NHSL1: variants seen among roughly 807,000 people sequenced by gnomAD.
The protein encoded by NHSL1 is NHS like 1.
Under a neutral mutation model 95.0 loss-of-function variants are expected in NHSL1, and 48 were observed. The ratio of observed to expected loss-of-function variants is 0.51; its 90% CI spans 0.40 to 0.64. The LOEUF (loss-of-function observed/expected upper bound fraction) is 0.64. Ranked by LOEUF, NHSL1 falls within the 30% of genes least tolerant of loss-of-function variation. The pLI, the probability that NHSL1 is intolerant of heterozygous loss-of-function variation, is 0.00. For missense variants in NHSL1, 1,971 were observed against 2,077.7 expected (o/e 0.95, Z 1.00); for synonymous variants, 783 against 833.9 (o/e 0.94, Z 1.05).
intron 1 of NHSL1, among the ~76,000 whole-genome samples, chr6:138,689,487 G>A (rs893490515): frequency 6.6e-5 from 10 of 152,220 alleles, no homozygotes; most frequent in Non-Finnish European, 1.3e-4. Flanking sequence ...ATTGAGGCCA[G>A]CAGGGCCAGC....
intron 1 of NHSL1, among the ~76,000 whole-genome samples, chr6:138,609,124 G>A (rs1453749298): frequency 1.3e-5 from 2 of 152,222 alleles, no homozygotes; most frequent in Non-Finnish European, 2.9e-5. Flanking sequence ...GTGCTGGAGA[G>A]TTCCCAATAA....
chr6:138,438,063 G>T (rs1162720473), intron 5 of NHSL1, among the ~76,000 whole-genome samples: 3 of 152,184 alleles, frequency 2.0e-5, no homozygotes, highest in African/African-American at 7.2e-5. Flanking sequence ...TTGAGAGATT[G>T]ACTCAAATTT....
At position 138,636,846 on chromosome 6, in the gene NHSL1, G is replaced by A. The variant is rs544644776; in HGVS notation, c.96+55630C>T. On this transcript the variant is annotated intron_variant, in intron 1 of 3. Coordinates refer to the NHSL1 transcript ENST00000491526. ...AAATGTTCACACTATCCAAAGCAAT[G>A]TACAGATTCAATGCAATCCCTATCA... Among the ~76,000 whole-genome samples the A allele has an allele frequency of 2.0e-5, 3 of 152,234 alleles. No homozygotes were observed. In the East Asian group the frequency reaches 5.8e-4, roughly 29 times the overall value.
intron 1 of NHSL1, among the ~76,000 whole-genome samples, chr6:138,558,878 CA>C (rs1193252658): frequency 6.6e-6 from 1 of 151,760 alleles, no homozygotes; most frequent in African/African-American, 2.4e-5. Context: ...CCCTTCTCTA[CA>C]AAAAAACAAA....
At chr6:138,674,044 A>G (rs1345322115) in intron 1 of NHSL1, among the ~76,000 whole-genome samples, 1 of 152,264 alleles carries the variant, frequency 6.6e-6, no homozygotes, top group African/African-American at 2.4e-5. Flanking sequence ...GATTACAGAT[A>G]CAAAGCTATA....
chr6:138,462,168 AC>A (rs1357174803), intron 3 of NHSL1, among the ~76,000 whole-genome samples: 6 of 152,292 alleles, frequency 3.9e-5, no homozygotes, highest in African/African-American at 1.2e-4. Context: ...AATATCTGAG[AC>A]TAGGTAGTTT....
chr6:138,654,183 C>T (rs1182446241), intron 1 of NHSL1, among the ~76,000 whole-genome samples: 1 of 152,146 alleles, frequency 6.6e-6, no homozygotes, highest in Admixed American at 6.5e-5. Flanking sequence ...AGTCATTTAT[C>T]ATTAAACTGA....
chr6:138,667,504 A>G (rs1191304598), intron 1 of NHSL1, among the ~76,000 whole-genome samples: 1 of 152,234 alleles, frequency 6.6e-6, no homozygotes, highest in Admixed American at 6.5e-5. Context: ...ATCACTCAGC[A>G]TTACATAATT....
rs1252410422 is a variant in NHSL1, at chr6:138,432,532, C to T, written c.1813G>A (p.Asp605Asn). The T allele has an allele frequency of 1.9e-5, 29 of 1,552,060 alleles. No individual in the cohort carries two copies. The highest frequency in any genetic ancestry group is 2.4e-5 in the Non-Finnish European group (27 of 1,147,094). The change falls in exon 6 of 8, where the codon GAT (aspartate) becomes AAT (asparagine). Residue 605 changes from aspartate to asparagine, a missense_variant. By Grantham distance (23) the Asp-to-Asn change is conservative. Around this residue, in one of 3 missense-constraint regions of NHSL1, gnomAD observed 1,602 missense variants for 1,654.5 expected, o/e 0.97. Transcript: ENST00000343505. This position sits in a 1 kb window ranked among gnomAD's most constrained non-coding sequence, Gnocchi z 4.4. ...DAGSLYSEDH[D>N]GYCASVHTDS... ...GTGTGCACAGATGCACAGTAGCCAT[C>T]GTGGTCCTCAGAATACAGCGACCCA...
At chr6:138,464,209 G>A in intron 3 of NHSL1, 1 of 755,232 alleles carries the variant, frequency 1.3e-6, no homozygotes. Context: ...CAGAGGCTGA[G>A]AGGCTGCTGG....
At chr6:138,444,027 AT>A (rs1014080530) in intron 4 of NHSL1, among the ~76,000 whole-genome samples, 1 of 152,146 alleles carries the variant, frequency 6.6e-6, no homozygotes, top group African/African-American at 2.4e-5. Context: ...TGGATTATAC[AT>A]TTTTTGAGGG....
chr6:138,618,476 C>T (rs1354924254), intron 1 of NHSL1, among the ~76,000 whole-genome samples: 1 of 152,208 alleles, frequency 6.6e-6, no homozygotes, highest in Non-Finnish European at 1.5e-5. Flanking sequence ...AACAAATATA[C>T]TAAGCTGAGA....
chr6:138,529,994 A>T (rs1782069515), intron 1 of NHSL1, among the ~76,000 whole-genome samples: 1 of 152,162 alleles, frequency 6.6e-6, no homozygotes, highest in Admixed American at 6.5e-5. Flanking sequence ...CATTATTTGA[A>T]TTCTTTAATT....
rs1554255989 is a variant in NHSL1, at chr6:138,606,705, T to TTC, written c.96+85770_96+85771insGA. 2.5e-4 allele frequency among the ~76,000 whole-genome samples: 37 copies of TTC among 146,858 alleles called. 1 individual carries two copies. The East Asian group carries it at 7.3e-3, about 29-fold the overall frequency. On this transcript the variant is annotated intron_variant, in intron 1 of 3. Coordinates refer to the NHSL1 transcript ENST00000491526. ...ACTTCTTTTTCTTTCTTTCTTTCTT[T>TTC]TTTTTTTTTTTTTTTGAGACAGAAT...
intron 1 of NHSL1, among the ~76,000 whole-genome samples, chr6:138,514,117 G>A (rs1161278773): frequency 6.6e-6 from 1 of 152,120 alleles, no homozygotes; most frequent in Non-Finnish European, 1.5e-5. Context: ...AGGAGTTCGA[G>A]ACCAGCCTGA....
intron 1 of NHSL1, among the ~76,000 whole-genome samples, chr6:138,655,503 T>C (rs1051100559): frequency 6.6e-6 from 1 of 152,222 alleles, no homozygotes; most frequent in Non-Finnish European, 1.5e-5. Context: ...AGCTGTGGAA[T>C]GATGTTTTAA....
chr6:138,673,499 T>C (rs1785408946), intron 1 of NHSL1, among the ~76,000 whole-genome samples: 1 of 152,062 alleles, frequency 6.6e-6, no homozygotes, highest in South Asian at 2.1e-4. Context: ...GTTTCATTTC[T>C]GGCAACAGAG....
intron 1 of NHSL1, among the ~76,000 whole-genome samples, chr6:138,636,283 C>T (rs904608438): frequency 1.3e-5 from 2 of 152,154 alleles, no homozygotes; most frequent in Non-Finnish European, 2.9e-5. Context: ...ATAATAAATG[C>T]CACATACAAC....
At chr6:138,636,587 T>TA (rs1583460540) in intron 1 of NHSL1, among the ~76,000 whole-genome samples, 2 of 152,030 alleles carry the variant, frequency 1.3e-5, no homozygotes, top group South Asian at 2.1e-4. Context: ...AAAATCAACA[T>TA]AAAAAAATCA....
Sources: gnomAD v4.1 joint callset for allele counts (sites outside exome capture counted in the v4.1 genomes callset) on GRCh38, gnomAD v4.1.1 for gene constraint, gnomAD v4.1.1 regional missense constraint, Gnocchi (gnomAD v3.1) non-coding constraint, MANE v1.5 for transcripts, NCBI Gene and HGNC (gene_info 2026-07-23, HGNC 2026-07-21) for gene names.